TEX9: variants seen among roughly 807,000 people sequenced by gnomAD.
The protein encoded by TEX9 is testis-expressed protein 9.
Under a neutral mutation model 59.6 loss-of-function variants are expected in TEX9, and 74 were observed. That is an observed-to-expected ratio of 1.24 (90% confidence interval 1.03 to 1.51). The LOEUF (loss-of-function observed/expected upper bound fraction) is 1.51. Ranked by LOEUF, TEX9 falls within the 40% of genes most tolerant of loss-of-function variation. TEX9 has a pLI of 0.00. For missense variants in TEX9, 522 were observed against 447.8 expected, an observed-to-expected ratio of 1.17 and a Z score of -1.49; for synonymous variants, 186 against 152.2, an observed-to-expected ratio of 1.22 and a Z score of -1.64.
At chr15:56,375,787 C>T (rs1385025236) in intron 3 of TEX9, among the ~76,000 whole-genome samples, 1 of 151,364 alleles carries the variant, frequency 6.6e-6, no homozygotes, top group Non-Finnish European at 1.5e-5. Context: ...TTTATTGCGG[C>T]ACTATTCACA....
intron 10 of TEX9, among the ~76,000 whole-genome samples, chr15:56,421,241 C>G (rs1286829351): frequency 6.6e-6 from 1 of 151,712 alleles, no homozygotes; most frequent in Non-Finnish European, 1.5e-5. Context: ...TATATTAATA[C>G]CCAGTATCTA....
At chr15:56,378,145 TG>T (rs552189620) in intron 3 of TEX9, among the ~76,000 whole-genome samples, 205 of 152,346 alleles carry the variant, frequency 1.3e-3, no homozygotes, top group Non-Finnish European at 2.6e-3. Flanking sequence ...TGAGGATTTT[TG>T]CATCAATATT....
chr15:56,245,439 A>G (rs1295591607), intron 1 of TEX9, among the ~76,000 whole-genome samples: 1 of 152,128 alleles, frequency 6.6e-6, no homozygotes, highest in African/African-American at 2.4e-5. Flanking sequence ...CCCCTTTTCC[A>G]TACTCTAAGG....
intron 1 of TEX9, among the ~76,000 whole-genome samples, chr15:56,278,549 G>C (rs1490283267): frequency 6.6e-6 from 1 of 152,164 alleles, no homozygotes; most frequent in Non-Finnish European, 1.5e-5. Context: ...TTTGAGATTA[G>C]CTTTTTAGCC....
rs763197031 is a variant in TEX9, at chr15:56,428,351, ATTT to A, written c.1099-8_1099-6del. 2.0e-6 allele frequency: 3 copies of A among 1,471,340 alleles called. No homozygotes were observed. The highest frequency in any genetic ancestry group is 2.8e-5 in the African/African-American group (2 of 71,252). The allele number at this position is 1,471,340 out of a possible 1,614,324, so 91.1% of individuals were successfully genotyped here. ...CTTAATACTAAATCAGACAATATTG[ATTT>A]TTTTTTTAACAGATGCATATTGAAG... On this transcript the variant is annotated splice_polypyrimidine_tract_variant and intron_variant, in intron 11 of 12. Coordinates refer to ENST00000352903, the Ensembl canonical transcript of TEX9.
chr15:56,275,036 G>A (rs944780424), intron 1 of TEX9, among the ~76,000 whole-genome samples: 3 of 152,082 alleles, frequency 2.0e-5, no homozygotes, highest in Admixed American at 1.3e-4. Context: ...ATGAGGCCAG[G>A]GGAATTCCCT....
intron 4 of TEX9, among the ~76,000 whole-genome samples, chr15:56,387,113 C>A (rs1325230456): frequency 6.6e-6 from 1 of 151,828 alleles, no homozygotes. Flanking sequence ...ACAGTTATTT[C>A]CATCATATTA....
At chr15:56,354,665 G>A (rs1041339068) in intron 1 of TEX9, among the ~76,000 whole-genome samples, 4 of 152,104 alleles carry the variant, frequency 2.6e-5, no homozygotes, top group Middle Eastern at 3.2e-3. Flanking sequence ...TCTGAAGTCA[G>A]AGGCATCTTA....
chr15:56,259,482 T>C (rs1209178592), intron 1 of TEX9, among the ~76,000 whole-genome samples: 1 of 152,078 alleles, frequency 6.6e-6, no homozygotes, highest in Non-Finnish European at 1.5e-5. Context: ...ATTATTTAAT[T>C]GCTCCAGCAT....
chr15:56,300,685 C>CAG lies in TEX9; in HGVS notation c.-107+56428_-107+56429dup, dbSNP rs71110380. ...TCTCCTCCAGTTCCAAGCAACTCAG[C>CAG]AGAGAGAGAGAGAGAGAGAGAGGGA... is the stretch of plus-strand genomic sequence containing the variant. On this transcript the variant is annotated intron_variant, in intron 1 of 5. Transcript: ENST00000560827. 5.5e-3 allele frequency among the ~76,000 whole-genome samples: 633 copies of CAG among 115,388 alleles called. 12 individuals are homozygous for CAG. Among genetic ancestry groups the CAG allele is most frequent in the South Asian group, 0.018 (55 of 3,142 alleles). The allele number at this position is 115,388 out of a possible 152,430, so 75.7% of individuals were successfully genotyped here.
At chr15:56,371,637 TGA>T (rs1321598422) in intron 2 of TEX9, among the ~76,000 whole-genome samples, 1 of 152,228 alleles carries the variant, frequency 6.6e-6, no homozygotes, top group Admixed American at 6.5e-5. Flanking sequence ...GTTTGCTTTT[TGA>T]GAGAGTCCTA....
chr15:56,341,341 T>C (rs2046368906), intron 1 of TEX9, among the ~76,000 whole-genome samples: 1 of 152,202 alleles, frequency 6.6e-6, no homozygotes. Flanking sequence ...TTCTAGTAGA[T>C]CCCATTGCAC....
At chr15:56,259,534 G>A (rs2044217649) in intron 1 of TEX9, among the ~76,000 whole-genome samples, 1 of 151,892 alleles carries the variant, frequency 6.6e-6, no homozygotes, top group African/African-American at 2.4e-5. Flanking sequence ...AATTGCAGTG[G>A]CATCATTGTT....
intron 1 of TEX9, among the ~76,000 whole-genome samples, chr15:56,347,620 T>C (rs1318206145): frequency 2.0e-5 from 3 of 151,986 alleles, no homozygotes; most frequent in East Asian, 3.9e-4. Context: ...GTAATTCAAA[T>C]TGGACTGCAG....
the TEX9 span, among the ~76,000 whole-genome samples, chr15:56,453,102 T>C: frequency 3.9e-5 from 6 of 152,362 alleles, no homozygotes; most frequent in South Asian, 1.2e-3. Flanking sequence ...TCCAGGTGAA[T>C]AAATTTATTC....
In TEX9 at chr15:56,443,933, T is replaced by C; in HGVS notation, c.*30-1738T>C. On this transcript the variant is annotated intron_variant, in intron 12 of 12. Transcript: ENST00000352903. ...TAATTTCATTTTGTTCATAATAATG[T>C]ACAGAAAAACACTATAGTTTTTTCA... is the stretch of plus-strand genomic sequence containing the variant. The C allele has an allele frequency of 2.7e-6, 3 of 1,118,806 alleles. No individual in the cohort carries two copies. The South Asian group carries it at 5.3e-5, about 20-fold the overall frequency. 69.3% of individuals were successfully genotyped at this position (1,118,806 alleles called of 1,614,324 possible). A position where few individuals can be genotyped will look rare whatever the true frequency, so the allele number is the denominator to read the frequency against.
chr15:56,403,825 C>G (rs2048927255), intron 9 of TEX9, among the ~76,000 whole-genome samples: 1 of 152,178 alleles, frequency 6.6e-6, no homozygotes, highest in South Asian at 2.1e-4. Flanking sequence ...AGAAATAATA[C>G]CACACATCTA....
At chr15:56,428,466 CTA>C in exon 12 of TEX9, 1 of 1,548,660 alleles carries the variant, frequency 6.5e-7, no homozygotes, top group South Asian at 1.1e-5. Context: ...CAGTTAGTCT[CTA>C]TGACAGTATG....
At chr15:56,331,941 A>G (rs1247983578) in intron 1 of TEX9, among the ~76,000 whole-genome samples, 3 of 134,384 alleles carry the variant, frequency 2.2e-5, no homozygotes, top group African/African-American at 8.4e-5. Flanking sequence ...CACCAGTTAG[A>G]ATGGCAATCA....
Sources: gnomAD v4.1 joint callset for allele counts (sites outside exome capture counted in the v4.1 genomes callset) on GRCh38, gnomAD v4.1.1 for gene constraint, MANE v1.5 for transcripts, NCBI Gene and HGNC (gene_info 2026-07-23, HGNC 2026-07-21) for gene names.